AFDN: variants seen among roughly 807,000 people sequenced by gnomAD.
AFDN encodes afadin, adherens junction formation factor, also known as afadin.
A neutral mutation model predicts 216.6 loss-of-function variants in AFDN; 68 were observed. The ratio of observed to expected loss-of-function variants is 0.31; its 90% CI spans 0.26 to 0.38. The LOEUF is 0.38. AFDN is among the 10% of genes least tolerant of loss of function. The probability of loss-of-function intolerance (pLI) is 1.00; values close to 1 mark genes in which losing one functional copy is unlikely to be tolerated. For missense variants in AFDN, 2,136 were observed against 2,342.0 expected (o/e 0.91, Z 1.82); for synonymous variants, 868 against 853.7 (o/e 1.02, Z -0.29).
At position 167,890,943 on chromosome 6, in the gene AFDN, C is replaced by G. The variant is rs374847802; in HGVS notation, c.1091C>G (p.Pro364Arg). 2 of 1,613,906 alleles carry G rather than the reference C, an allele frequency of 1.2e-6. No homozygotes were observed. Among genetic ancestry groups the G allele is most frequent in the Non-Finnish European group, 1.7e-6 (2 of 1,179,988 alleles). The part of the protein sequence containing the change: ...KTKKHLEGKT[P>R]KGKERADGSG... Reference sequence around the variant, plus strand: ...AAGAAACACTTGGAAGGCAAGACACCCAAGGGAAAGGAGAGAGCTGACGGG... The same window carrying G: ...AAGAAACACTTGGAAGGCAAGACACGCAAGGGAAAGGAGAGAGCTGACGGG... Residue 364 changes from proline to arginine, a missense_variant, in exon 8 of 34, where the codon CCC becomes CGC. Transcript: ENST00000683244.
In AFDN at chr6:167,827,208, G is replaced by T; in HGVS notation, c.76G>T (p.Asp26Tyr). The change falls in exon 1 of 34, where the codon GAC (aspartate) becomes TAC (tyrosine). Residue 26 changes from aspartate to tyrosine, a missense_variant. Coordinates refer to ENST00000683244, the MANE Select transcript of AFDN (RefSeq NM_001386888.1). ...IIHHWNANRL[D>Y]LFEISQPTED... Reference sequence around the variant, plus strand: ...CCACCACTGGAACGCCAACCGGCTGGACCTGTTCGAGATCAGCCAGCCGAC... The same window carrying T: ...CCACCACTGGAACGCCAACCGGCTGTACCTGTTCGAGATCAGCCAGCCGAC... 1 of 1,266,702 alleles carries T rather than the reference G, an allele frequency of 7.9e-7. No individual in the cohort carries two copies. The highest frequency in any genetic ancestry group is 1.0e-6 in the Non-Finnish European group (1 of 974,278). 78.5% of individuals were successfully genotyped at this position (1,266,702 alleles called of 1,614,324 possible). A position where few individuals can be genotyped will look rare whatever the true frequency, so the allele number is the denominator to read the frequency against.
intron 15 of AFDN, chr6:167,911,831 A>G (rs143015593): frequency 5.3e-4 from 167 of 313,238 alleles, no homozygotes; most frequent in African/African-American, 3.4e-3. Flanking sequence ...GAAGTGAACA[A>G]TTCAGTCGCA....
rs146614613 is a variant in AFDN, at chr6:167,907,225, C to A, written c.1705C>A (p.Arg569=). 44 of 1,614,040 alleles carry A rather than the reference C, an allele frequency of 2.7e-5. No individual in the cohort carries two copies. The highest frequency in any genetic ancestry group is 3.3e-5 in the Non-Finnish European group (39 of 1,179,986). Residue 569 remains arginine, a synonymous_variant, in exon 13 of 34, where the codon CGG becomes AGG. Transcript: ENST00000683244. ...RVSSASSTAE[R]GMVKPMIRVE... ...GTCGTCTGCCTCTAGCACAGCCGAGCGGGGAATGGTGAAGCCGATGATCAG... is the reference window on the plus strand; with the variant it reads ...GTCGTCTGCCTCTAGCACAGCCGAGAGGGGAATGGTGAAGCCGATGATCAG...
intron 31 of AFDN, chr6:167,964,588 TGAA>T (rs771966203): frequency 2.0e-4 from 217 of 1,064,106 alleles, no homozygotes; most frequent in Non-Finnish European, 2.4e-4. Context: ...CCTCAAAAGG[TGAA>T]GGAGTGACAT....
chr6:167,888,414 C>A (rs1787136948), intron 6 of AFDN, among the ~76,000 whole-genome samples: 1 of 152,126 alleles, frequency 6.6e-6, no homozygotes, highest in South Asian at 2.1e-4. Context: ...AGTGACTTGG[C>A]CTTCTTTTCT....
Position 167,965,850 on chromosome 6 carries a change from C to G in AFDN, c.5062C>G (p.Pro1688Ala), listed in dbSNP as rs1797488493. 1 of 1,549,690 alleles carries G rather than the reference C, an allele frequency of 6.5e-7. No homozygotes were observed. Among genetic ancestry groups the G allele is most frequent in the Admixed American group, 2.0e-5 (1 of 51,044 alleles). ...AARRLLEPEA[P>A]GLCRPPLPRD... is the part of the protein sequence containing the mutation. ...GCGCAGGTTGCTGGAGCCCGAGGCGCCCGGTCTGTGCCGCCCTCCGCTTCC... is the reference window on the plus strand; with the variant it reads ...GCGCAGGTTGCTGGAGCCCGAGGCGGCCGGTCTGTGCCGCCCTCCGCTTCC... Residue 1688 changes from proline to alanine, a missense_variant, in exon 32 of 34, where the codon CCC (proline) becomes GCC (alanine). Pro to Ala is a conservative substitution (Grantham distance 27). Transcript: ENST00000683244.
chr6:167,885,371 G>T (rs1448542906), intron 6 of AFDN, among the ~76,000 whole-genome samples: 1 of 152,160 alleles, frequency 6.6e-6, no homozygotes, highest in African/African-American at 2.4e-5. Flanking sequence ...TTCTCACTAT[G>T]TTTAATCAAT....
Position 167,917,207 on chromosome 6 carries a change from C to G in AFDN, c.2684C>G (p.Ala895Gly), listed in dbSNP as rs1262446695. ...GCCTTATTACAGAACTATCACTGTG[C>G]ACCTGATGAGCCTTTTATCCCAACG... ...LQALLQNYHC[A>G]PDEPFIPTDL... The change falls in exon 20 of 34, where the codon GCA becomes GGA. Residue 895 changes from alanine to glycine, a missense_variant. Around this residue, in one of 8 missense-constraint regions of AFDN, gnomAD observed 162 missense variants for 182.6 expected, o/e 0.89. Coordinates refer to ENST00000683244, the MANE Select transcript of AFDN (RefSeq NM_001386888.1). The G allele has an allele frequency of 1.2e-6, 2 of 1,606,068 alleles. No homozygotes were observed. The highest frequency in any genetic ancestry group is 1.7e-6 in the Non-Finnish European group (2 of 1,177,536).
At chr6:167,931,188 G>C (rs1276488116) in intron 23 of AFDN, among the ~76,000 whole-genome samples, 1 of 152,214 alleles carries the variant, frequency 6.6e-6, no homozygotes, top group Non-Finnish European at 1.5e-5. Flanking sequence ...ATGAGTTGCA[G>C]TAGTGGATGA....
intron 31 of AFDN, chr6:167,963,440 C>G (rs1297161756): frequency 9.5e-7 from 1 of 1,054,210 alleles, no homozygotes. Context: ...ATTAATAATT[C>G]CTTCTTGGAT....
chr6:167,927,200 T>C (rs1485379318), intron 23 of AFDN, among the ~76,000 whole-genome samples: 1 of 152,138 alleles, frequency 6.6e-6, no homozygotes, highest in Non-Finnish European at 1.5e-5. Flanking sequence ...TTGTAGCGGT[T>C]GTGGAGGGCA....
At chr6:167,851,333 T>C (rs1782283923) in intron 1 of AFDN, among the ~76,000 whole-genome samples, 1 of 152,180 alleles carries the variant, frequency 6.6e-6, no homozygotes, top group Admixed American at 6.5e-5. Context: ...CCTAGGTAAA[T>C]GTATATCATA....
intron 1 of AFDN, among the ~76,000 whole-genome samples, chr6:167,840,084 C>T (rs9346626): frequency 0.87 from 133,137 of 152,172 alleles, 58,488 homozygotes; most frequent in Non-Finnish European, 0.92. Context: ...AGGGGAGACC[C>T]GGTAGGTAGC....
intron 12 of AFDN, among the ~76,000 whole-genome samples, chr6:167,904,178 T>G (rs781354997): frequency 6.6e-6 from 1 of 152,088 alleles, no homozygotes; most frequent in Non-Finnish European, 1.5e-5. Flanking sequence ...GTACCTTTGG[T>G]TCTGACCTCT....
intron 1 of AFDN, among the ~76,000 whole-genome samples, chr6:167,830,157 TA>T (rs2128070024): frequency 6.6e-6 from 1 of 152,364 alleles, no homozygotes; most frequent in East Asian, 1.9e-4. Flanking sequence ...TTTTTAATGT[TA>T]CAGCTTGTTT....
intron 1 of AFDN, among the ~76,000 whole-genome samples, chr6:167,845,637 A>G (rs971815423): frequency 1.3e-5 from 2 of 152,156 alleles, no homozygotes; most frequent in Non-Finnish European, 2.9e-5. Context: ...CGGCTTCCCA[A>G]AGTGCTGGGA....
intron 10 of AFDN, 79 bp downstream of exon 10, chr6:167,897,051 A>G (rs1030708999): frequency 4.3e-6 from 3 of 700,300 alleles, no homozygotes; most frequent in South Asian, 2.0e-5. Context: ...CCACATGGTA[A>G]TGAAAGAAGG....
chr6:167,916,783 T>G (rs1019172535), intron 19 of AFDN, among the ~76,000 whole-genome samples: 2 of 152,182 alleles, frequency 1.3e-5, no homozygotes, highest in African/African-American at 4.8e-5. Context: ...TAATTGGTCA[T>G]CTGAATGGTC....
At chr6:167,896,289 C>G (rs923742946) in intron 9 of AFDN, among the ~76,000 whole-genome samples, 1 of 151,608 alleles carries the variant, frequency 6.6e-6, no homozygotes, top group African/African-American at 2.4e-5. Context: ...GGGAGCTAAC[C>G]ACTTTTAACA....
Sources: gnomAD v4.1 joint callset for allele counts (sites outside exome capture counted in the v4.1 genomes callset) on GRCh38, gnomAD v4.1.1 for gene constraint, gnomAD v4.1.1 regional missense constraint, MANE v1.5 for transcripts, NCBI Gene and HGNC (gene_info 2026-07-23, HGNC 2026-07-21) for gene names.